CCHCR1: variants seen among roughly 807,000 people sequenced by gnomAD.
CCHCR1 encodes coiled-coil alpha-helical rod protein 1.
In CCHCR1, 91 loss-of-function variants were observed where a neutral mutation model predicts 114.6. The ratio of observed to expected loss-of-function variants is 0.79; its 90% CI spans 0.67 to 0.94. The LOEUF (loss-of-function observed/expected upper bound fraction) is 0.94, where lower values mean the gene tolerates loss of function less well. Among genes scored for constraint, CCHCR1 ranks in the 40% least tolerant of loss-of-function variants. CCHCR1 has a pLI of 0.00. For synonymous variants in CCHCR1, 379 were observed against 428.5 expected (o/e 0.88, Z 1.43); for missense variants, 899 against 1,079.9 (o/e 0.83, Z 2.35).
At position 31,150,048 on chromosome 6, in the gene CCHCR1, A is replaced by G; in HGVS notation, c.1362+18T>C. 1.9e-6 allele frequency: 3 copies of G among 1,612,884 alleles called. No homozygotes were observed. The highest frequency in any genetic ancestry group is 2.5e-6 in the Non-Finnish European group (3 of 1,179,004). On this transcript the variant is annotated intron_variant, in intron 8 of 17. Coordinates refer to ENST00000396268, the MANE Select transcript of CCHCR1 (RefSeq NM_001105564.2). The surrounding 1 kb of genome is among the most constrained non-coding windows in gnomAD (Gnocchi z 5.3). ...AGGTGCTGGGAGGGAATACCGGGAG[A>G]AAAGAGAGTGCAGTGACCTGTCCCT...
chr6:31,150,467 C>T lies in CCHCR1; in HGVS notation c.1200G>A (p.Glu400=). The change falls in exon 7 of 18, where the codon GAG becomes GAA. Residue 400 remains glutamate (E), a synonymous_variant. Coordinates refer to ENST00000396268, the MANE Select transcript of CCHCR1 (RefSeq NM_001105564.2). This position sits in a 1 kb window ranked among gnomAD's most constrained non-coding sequence, Gnocchi z 5.3. ...GGTTGGGCTGTACCTTCCTGGTCAG[C>T]TCCTCCTCCTGCAGGGCGAGGATGT... ...LTHILALQEE[E]LTRKVQPSDS... 3 of 1,611,784 alleles carry T rather than the reference C, an allele frequency of 1.9e-6. No homozygotes were observed. Among genetic ancestry groups the T allele is most frequent in the Non-Finnish European group, 2.5e-6 (3 of 1,179,390 alleles).
chr6:31,156,014 T>C (rs901738917), intron 3 of CCHCR1, among the ~76,000 whole-genome samples: 19 of 152,226 alleles, frequency 1.2e-4, no homozygotes, highest in African/African-American at 4.6e-4. Flanking sequence ...TGGGCTCAAG[T>C]GATCCTCCTG....
At position 31,151,067 on chromosome 6, in the gene CCHCR1, G is replaced by A. The variant is rs151116980; in HGVS notation, c.857C>T (p.Ala286Val). The change falls in exon 5 of 18, where the codon GCT (alanine) becomes GTT (valine). Residue 286 changes from alanine (A) to valine (V), a missense_variant. Ala to Val is a moderately conservative substitution (Grantham distance 64). Transcript: ENST00000396268. The surrounding 1 kb of genome is among the most constrained non-coding windows in gnomAD (Gnocchi z 4.1). ...ACTCAGAGACTTCTCCAAGCCCTCA[G>A]CCTTGCTGGTCAAACTGGAAAGAGC... ...EEALSSLTSK[A>V]EGLEKSLSSL... is the part of the protein sequence containing the mutation. 1.8e-4 allele frequency: 287 copies of A among 1,613,092 alleles called. 1 individual carries two copies. The African/African-American group carries it at 3.6e-3, about 20-fold the overall frequency.
chr6:31,143,192 C>T lies in CCHCR1; in HGVS notation c.2320-58G>A, dbSNP rs2073718. 58,456 of 1,610,038 alleles carry T rather than the reference C, an allele frequency of 0.036. 2,153 individuals carry two copies. The highest frequency in any genetic ancestry group is 0.18 in the East Asian group (8,142 of 44,830). ...AGAGCCTCCCTCACCATCCTCTTTC[C>T]ACACCTCTAGCCCAGGAACCAGCCC... On this transcript the variant is annotated intron_variant, in intron 16 of 17. Coordinates refer to ENST00000396268, the MANE Select transcript of CCHCR1 (RefSeq NM_001105564.2). The surrounding 1 kb of genome is among the most constrained non-coding windows in gnomAD (Gnocchi z 5.3).
At position 31,144,639 on chromosome 6, in the gene CCHCR1, A is replaced by C; in HGVS notation, c.2167+48T>G. The C allele has an allele frequency of 8.2e-7, 1 of 1,213,310 alleles. No individual in the cohort carries two copies. The highest frequency in any genetic ancestry group is 1.2e-6 in the Non-Finnish European group (1 of 835,918). 75.2% of individuals were successfully genotyped at this position (1,213,310 alleles called of 1,614,324 possible). A position where few individuals can be genotyped will look rare whatever the true frequency, so the allele number is the denominator to read the frequency against. On this transcript the variant is annotated intron_variant, in intron 15 of 17. Transcript: ENST00000396268. This position sits in a 1 kb window ranked among gnomAD's most constrained non-coding sequence, Gnocchi z 4.6. ...GGGGAAAATAATAACCTTATGTCTT[A>C]ACACTTCCTTCTTCCTGGAAGGCCC...
intron 8 of CCHCR1, chr6:31,149,730 C>T (rs946913884): frequency 1.4e-5 from 3 of 213,408 alleles, no homozygotes; most frequent in Middle Eastern, 1.7e-3. Flanking sequence ...TGACTGGGCA[C>T]GGTGGCTCAC....
chr6:31,147,399 CAAAAAAAAAA>C (rs9278998), intron 10 of CCHCR1, among the ~76,000 whole-genome samples: 3 of 126,954 alleles, frequency 2.4e-5, no homozygotes, highest in Admixed American at 8.0e-5. Flanking sequence ...GACTCTGTCT[CAAAAAAAAAA>C]AAAAAAAAAA....
chr6:31,157,574 C>T lies in CCHCR1; in HGVS notation c.27G>A (p.Arg9=). ...TCCCTGTTAAAGTGCTGGCCCAAGG[C>T]CTGGCCCCAGCTGAATGTGGCCACA... The part of the protein sequence containing the change: MWPHSAGA[R]PWASTLTGKD... Residue 9 remains arginine, a synonymous_variant, in exon 1 of 18, where the codon AGG becomes AGA. Coordinates refer to ENST00000396268, the MANE Select transcript of CCHCR1 (RefSeq NM_001105564.2). 1 of 1,612,346 alleles carries T rather than the reference C, an allele frequency of 6.2e-7. No homozygotes were observed. Among genetic ancestry groups the T allele is most frequent in the Non-Finnish European group, 8.5e-7 (1 of 1,179,822 alleles).
rs550908000 is a variant in CCHCR1 at position 31,150,605 on chromosome 6, T to C, written c.1102-40A>G. 1 of 1,596,816 alleles carries C rather than the reference T, an allele frequency of 6.3e-7. No homozygotes were observed. Among genetic ancestry groups the C allele is most frequent in the East Asian group, 2.2e-5 (1 of 44,686 alleles). On this transcript the variant is annotated intron_variant, in intron 6 of 17. Coordinates refer to ENST00000396268, the MANE Select transcript of CCHCR1 (RefSeq NM_001105564.2). This position sits in a 1 kb window ranked among gnomAD's most constrained non-coding sequence, Gnocchi z 5.3. ...AAGCAGCCCCTCTGTAGGGCCTCCA[T>C]GCCGCCTTAGGTACCACCTTCTCTC... is the stretch of plus-strand genomic sequence containing the variant.
intron 17 of CCHCR1, 91 bp from the exon 18 acceptor site, chr6:31,142,807 G>A: frequency 6.5e-7 from 1 of 1,538,548 alleles, no homozygotes; most frequent in Non-Finnish European, 8.8e-7. Flanking sequence ...TGAGGAATGG[G>A]AGAGAGGAGG....
chr6:31,146,067 CA>C (rs1445066735), intron 10 of CCHCR1, among the ~76,000 whole-genome samples: 1 of 152,200 alleles, frequency 6.6e-6, no homozygotes, highest in Non-Finnish European at 1.5e-5. Context: ...CCTCTCTGAT[CA>C]GGGGCAGTGG....
chr6:31,145,650 G>A lies in CCHCR1; in HGVS notation c.1693+46C>T, dbSNP rs1341698576. On this transcript the variant is annotated intron_variant, in intron 11 of 17. Coordinates refer to ENST00000396268, the MANE Select transcript of CCHCR1 (RefSeq NM_001105564.2). The stretch of plus-strand genomic sequence containing the variant: ...CTGGGTCAGGAAGAAGAAAGTCCGA[G>A]CTGGTGGGGTGGGGGCAGGACGTGG... 3.3e-6 allele frequency: 5 copies of A among 1,500,202 alleles called. No individual in the cohort carries two copies. The South Asian group carries it at 4.5e-5, about 14-fold the overall frequency. The allele number at this position is 1,500,202 out of a possible 1,614,324, so 92.9% of individuals were successfully genotyped here.
rs781069119 is a variant in CCHCR1, at chr6:31,142,542, C to T, written c.*50G>A. On this transcript the variant is annotated 3_prime_UTR_variant, in exon 18 of 18. Coordinates refer to ENST00000396268, the MANE Select transcript of CCHCR1 (RefSeq NM_001105564.2). ...GGCTGGTCTGTCCCCACCCACTTCT[C>T]CAGGATCCTCCCAGCCCCCAGGCTG... The T allele has an allele frequency of 8.2e-6, 13 of 1,586,086 alleles. No homozygotes were observed. The highest frequency in any genetic ancestry group is 1.1e-5 in the Non-Finnish European group (13 of 1,163,356).
In CCHCR1 at chr6:31,156,747, G is replaced by T; in HGVS notation, c.481C>A (p.Pro161Thr). 3.1e-6 allele frequency: 5 copies of T among 1,612,390 alleles called. No homozygotes were observed. The South Asian group carries it at 5.5e-5, about 18-fold the overall frequency. ...GATCCCTACCTGCCTCTCCGCCCTG[G>T]CTCCTGCCTGTCACTGGAAACATCC... ...ERDVSSDRQE[P>T]GRRGRSWGLE... Residue 161 changes from proline (P) to threonine (T), a missense_variant, in exon 3 of 18, where the codon CCA (proline) becomes ACA (threonine). By Grantham distance (38) the Pro-to-Thr change is conservative. Coordinates refer to ENST00000396268, the MANE Select transcript of CCHCR1 (RefSeq NM_001105564.2).
rs1236815359 is a variant in CCHCR1, at chr6:31,150,593, G to C, written c.1102-28C>G. On this transcript the variant is annotated intron_variant, in intron 6 of 17. Transcript: ENST00000396268. This position sits in a 1 kb window ranked among gnomAD's most constrained non-coding sequence, Gnocchi z 5.3. ...GCGGGCAGAGGAAAGCAGCCCCTCT[G>C]TAGGGCCTCCATGCCGCCTTAGGTA... 4 of 1,600,340 alleles carry C rather than the reference G, an allele frequency of 2.5e-6. No homozygotes were observed. The highest frequency in any genetic ancestry group is 1.3e-5 in the African/African-American group (1 of 74,712).
chr6:31,142,468 G>A lies in CCHCR1; in HGVS notation c.*124C>T, dbSNP rs947646385. On this transcript the variant is annotated 3_prime_UTR_variant, in exon 18 of 18. Transcript: ENST00000396268. The stretch of plus-strand genomic sequence containing the variant: ...TCTGTAGTCGTCTTTATTTAGAGCA[G>A]AATTCAGACTCAGCTGGTATCCCCC... 1.3e-6 allele frequency: 1 copy of A among 790,592 alleles called. No homozygotes were observed. Among genetic ancestry groups the A allele is most frequent in the African/African-American group, 1.7e-5 (1 of 58,210 alleles). 49.0% of individuals were successfully genotyped at this position (790,592 alleles called of 1,614,324 possible). A position where few individuals can be genotyped will look rare whatever the true frequency, so the allele number is the denominator to read the frequency against.
chr6:31,144,726 T>A lies in CCHCR1; in HGVS notation c.2128A>T (p.Arg710Trp), dbSNP rs1561793460. ...TCCCTCCGAGCCTCGTTCAGCCTCC[T>A]CTCTGTGTCTGAGAGTTGCTCCCGC... ...RLREQLSDTE[R>W]RLNEARREHA... The change falls in exon 15 of 18, where the codon AGG becomes TGG. Residue 710 changes from arginine to tryptophan, a missense_variant. By Grantham distance (101) the Arg-to-Trp change is moderately radical (BLOSUM62 -3). Coordinates refer to ENST00000396268, the MANE Select transcript of CCHCR1 (RefSeq NM_001105564.2). The surrounding 1 kb of genome is among the most constrained non-coding windows in gnomAD (Gnocchi z 4.6). 2 of 1,613,606 alleles carry A rather than the reference T, an allele frequency of 1.2e-6. No individual in the cohort carries two copies. The highest frequency in any genetic ancestry group is 1.7e-6 in the Non-Finnish European group (2 of 1,179,688).
At position 31,151,937 on chromosome 6, in the gene CCHCR1, G is replaced by A. The variant is rs922692528; in HGVS notation, c.802-815C>T. ...CCATACAACAATAAAATTAATTTGG[G>A]GGACATAAATGACAAAATTTTTTAG... On this transcript the variant is annotated intron_variant, in intron 4 of 17. Transcript: ENST00000396268. This position sits in a 1 kb window ranked among gnomAD's most constrained non-coding sequence, Gnocchi z 4.1. Among the ~76,000 whole-genome samples, 2 of 151,980 alleles carry A rather than the reference G, an allele frequency of 1.3e-5. No individual in the cohort carries two copies. The highest frequency in any genetic ancestry group is 4.8e-5 in the African/African-American group (2 of 41,332).
chr6:31,148,682 G>C lies in CCHCR1; in HGVS notation c.1409C>G (p.Ala470Gly), dbSNP rs1774720171. Residue 470 changes from alanine to glycine, a missense_variant, in exon 9 of 18, where the codon GCC becomes GGC. Transcript: ENST00000396268. Reference protein sequence around the residue: ...EKVTSQSQEQAILQRSLQDKA... With the variant: ...EKVTSQSQEQGILQRSLQDKA... ...GTCCTGCAGGGATCGCTGCAGGATG[G>C]CCTGCTCCTGGCTCTGGGATGTCAC... 2 of 1,612,788 alleles carry C rather than the reference G, an allele frequency of 1.2e-6. No individual in the cohort carries two copies.
Sources: gnomAD v4.1 joint callset for allele counts (sites outside exome capture counted in the v4.1 genomes callset) on GRCh38, gnomAD v4.1.1 for gene constraint, Gnocchi (gnomAD v3.1) non-coding constraint, MANE v1.5 for transcripts, NCBI Gene and HGNC (gene_info 2026-07-23, HGNC 2026-07-21) for gene names.